The following SFTPA2 variants were observed in gnomAD, a reference collection of about 807,000 sequenced individuals.
SFTPA2 encodes surfactant protein A2.
A neutral mutation model predicts 20.3 loss-of-function variants in SFTPA2; 21 were observed. The observed-to-expected ratio is 1.03, with a 90% CI of 0.73 to 1.49. SFTPA2 has a LOEUF of 1.49. SFTPA2 is among the 40% of genes most tolerant of loss of function. The pLI is 0.00. For synonymous variants in SFTPA2, 116 were observed against 118.7 expected (o/e 0.98, Z 0.15); for missense variants, 302 against 314.8 (o/e 0.96, Z 0.31).
chr10:79,558,769 T>G, intron 4 of SFTPA2, 117 bp downstream of exon 4: 22 of 1,559,920 alleles, frequency 1.4e-5, no homozygotes, highest in Non-Finnish European at 1.8e-5. Context: ...TTACTTAGGT[T>G]GAGCCAAATG....
At chr10:79,559,639 G>A (rs529202206) in intron 2 of SFTPA2, 133 bp from the exon 3 acceptor site, 29 of 1,567,102 alleles carry the variant, frequency 1.9e-5, no homozygotes, top group East Asian at 1.4e-4. Context: ...GGGAAGACCC[G>A]AAGCACCCGG....
At position 79,556,895 on chromosome 10, in the gene SFTPA2, T is replaced by C; in HGVS notation, c.*314A>G. On this transcript the variant is annotated 3_prime_UTR_variant, in exon 6 of 6. Transcript: ENST00000372325. The stretch of plus-strand genomic sequence containing the variant: ...CTACCCCAAGGCCTCACTGCTGCCA[T>C]CTGTAAGTGAAGGAACTGGACCAGA... The C allele has an allele frequency of 4.1e-6, 2 of 488,686 alleles. No individual in the cohort carries two copies. Among genetic ancestry groups the C allele is most frequent in the South Asian group, 4.6e-5 (2 of 43,548 alleles). 30.3% of individuals were successfully genotyped at this position (488,686 alleles called of 1,614,324 possible). A position where few individuals can be genotyped will look rare whatever the true frequency, so the allele number is the denominator to read the frequency against.
At chr10:79,560,034 T>C in intron 1 of SFTPA2, 36 bp from the exon 2 acceptor site, 1 of 1,117,664 alleles carries the variant, frequency 8.9e-7, no homozygotes, top group Non-Finnish European at 1.1e-6. Flanking sequence ...GCCCACAGCC[T>C]GGACCCTTCA....
chr10:79,558,809 C>A, intron 4 of SFTPA2, 77 bp downstream of exon 4: 6 of 1,611,120 alleles, frequency 3.7e-6, no homozygotes, highest in Non-Finnish European at 4.2e-6. Context: ...GTTTGTCTGA[C>A]CCCCATCACC....
rs1215156299 is a variant in SFTPA2 at position 79,558,037 on chromosome 10, A to G, written c.370+15T>C. On this transcript the variant is annotated intron_variant, in intron 5 of 5. Transcript: ENST00000372325. ...GGGAAACTCCTACCCCGTGAGGCCC[A>G]GGGGGTCCCCTTACCTCCCCTTGTC... 1.9e-6 allele frequency: 3 copies of G among 1,613,896 alleles called. No homozygotes were observed. In the African/African-American group the frequency reaches 4.0e-5, roughly 22 times the overall value.
At position 79,556,815 on chromosome 10, in the gene SFTPA2, G is replaced by C. The variant is rs1285859895; in HGVS notation, c.*394C>G. ...CACTGGGCAGGCAGTGGGCTGCAGA[G>C]GCAGAGCTGAGGGGACCAGGAGGCA... On this transcript the variant is annotated 3_prime_UTR_variant, in exon 6 of 6. Transcript: ENST00000372325. 1 of 364,996 alleles carries C rather than the reference G, an allele frequency of 2.7e-6. No homozygotes were observed. Among genetic ancestry groups the C allele is most frequent in the East Asian group, 6.8e-5 (1 of 14,760 alleles). 22.6% of individuals were successfully genotyped at this position (364,996 alleles called of 1,614,324 possible).
chr10:79,557,639 C>T (rs1858869964), intron 5 of SFTPA2, 54 bp from the exon 6 acceptor site: 3 of 1,606,462 alleles, frequency 1.9e-6, no homozygotes, highest in Non-Finnish European at 1.7e-6. Flanking sequence ...TCTAAGCCAC[C>T]TCCCTCACCT....
rs1160003234 is a variant in SFTPA2 at position 79,558,103 on chromosome 10, G to A, written c.319C>T (p.Leu107Phe). ...CTGAAGTCGTGGAGTGTGGCTTGGA[G>A]CTCCTCATCTAGATGAGCTGGAAGC... is the stretch of plus-strand genomic sequence containing the variant. ...PGLPAHLDEE[L>F]QATLHDFRHQ... Residue 107 changes from leucine to phenylalanine, a missense_variant, in exon 5 of 6, where the codon CTC (leucine) becomes TTC (phenylalanine). By Grantham distance (22) the Leu-to-Phe change is conservative. Transcript: ENST00000372325. 6.2e-7 allele frequency: 1 copy of A among 1,613,940 alleles called. No individual in the cohort carries two copies.
rs143311211 is a variant in SFTPA2 at position 79,556,776 on chromosome 10, G to T, written c.*433C>A. On this transcript the variant is annotated 3_prime_UTR_variant, in exon 6 of 6. Coordinates refer to ENST00000372325, the MANE Select transcript of SFTPA2 (RefSeq NM_001098668.4). The stretch of plus-strand genomic sequence containing the variant: ...TCTGTCATTATGCTTGGCCGGTACT[G>T]CTCATCCTGATGGCACTGGGCAGGC... The T allele has an allele frequency of 6.4e-6, 2 of 310,284 alleles. No individual in the cohort carries two copies. Among genetic ancestry groups the T allele is most frequent in the Non-Finnish European group, 1.2e-5 (2 of 167,338 alleles). The allele number at this position is 310,284 out of a possible 1,614,324, so 19.2% of individuals were successfully genotyped here. A position where few individuals can be genotyped will look rare whatever the true frequency, so the allele number is the denominator to read the frequency against.
chr10:79,559,983 C>G lies in SFTPA2; in HGVS notation c.-38G>C, dbSNP rs996184635. 1.4e-5 allele frequency: 17 copies of G among 1,210,670 alleles called. No homozygotes were observed. In the East Asian group the frequency reaches 6.4e-4, roughly 46 times the overall value. 75.0% of individuals were successfully genotyped at this position (1,210,670 alleles called of 1,614,324 possible). A position where few individuals can be genotyped will look rare whatever the true frequency, so the allele number is the denominator to read the frequency against. ...TGCCCAGTTACCTTCTTTTCAGGCT[C>G]CAAGAAATCAGCGACCTGAGAATGA... On this transcript the variant is annotated 5_prime_UTR_variant, in exon 2 of 6. Coordinates refer to ENST00000372325, the MANE Select transcript of SFTPA2 (RefSeq NM_001098668.4).
In SFTPA2 at chr10:79,557,357, T is replaced by C. The variant is rs766240828; in HGVS notation, c.599A>G (p.Tyr200Cys). ...TEGPSPGDFR[Y>C]SDGTPVNYTN... ...GTAGTTTACAGGGGTCCCATCTGAGTAGCGGAAGTCTCCAGGGCTGGGACC... is the reference window on the plus strand; with the variant it reads ...GTAGTTTACAGGGGTCCCATCTGAGCAGCGGAAGTCTCCAGGGCTGGGACC... The change falls in exon 6 of 6, where the codon TAC (tyrosine) becomes TGC (cysteine). Residue 200 changes from tyrosine (Y) to cysteine (C), a missense_variant. Transcript: ENST00000372325. The C allele has an allele frequency of 1.7e-5, 28 of 1,613,970 alleles. No individual in the cohort carries two copies. The highest frequency in any genetic ancestry group is 2.4e-5 in the Non-Finnish European group (28 of 1,180,002).
At position 79,557,081 on chromosome 10, in the gene SFTPA2, T is replaced by A. The variant is rs535653651; in HGVS notation, c.*128A>T. ...GGGGAATGAAGTGGCTAAGGGTGCC[T>A]CCAGCTCTAATAGCCACAAGTGAAT... On this transcript the variant is annotated 3_prime_UTR_variant, in exon 6 of 6. Coordinates refer to ENST00000372325, the MANE Select transcript of SFTPA2 (RefSeq NM_001098668.4). 2.9e-5 allele frequency: 45 copies of A among 1,528,442 alleles called. No homozygotes were observed. The Admixed American group carries it at 8.0e-4, about 27-fold the overall frequency. 94.7% of individuals were successfully genotyped at this position (1,528,442 alleles called of 1,614,324 possible).
chr10:79,558,160 G>C (rs1158636525), intron 4 of SFTPA2, 31 bp from the exon 5 acceptor site: 1 of 1,613,888 alleles, frequency 6.2e-7, no homozygotes, highest in South Asian at 1.1e-5. Context: ...AGAAGGAGGG[G>C]CAGGCCAGTG....
rs1059151 is a variant in SFTPA2, at chr10:79,556,149, G to A, written c.*1060C>T. ...GGTGTGTGGCACATGGTATGTGCTC[G>A]GTCAATAGCCTTTGTGTGTAGTAAC... is the stretch of plus-strand genomic sequence containing the variant. On this transcript the variant is annotated 3_prime_UTR_variant, in exon 6 of 6. Transcript: ENST00000372325. 1.2e-5 allele frequency: 2 copies of A among 167,140 alleles called. No homozygotes were observed. The highest frequency in any genetic ancestry group is 4.8e-5 in the African/African-American group (2 of 41,428). 10.4% of individuals were successfully genotyped at this position (167,140 alleles called of 1,614,324 possible).
In SFTPA2 at chr10:79,557,151, T is replaced by G; in HGVS notation, c.*58A>C. The stretch of plus-strand genomic sequence containing the variant: ...AGCATCTCACAGACCAAGTGGATCC[T>G]GGGGATGGAAACTGAAGGCCAGACA... On this transcript the variant is annotated 3_prime_UTR_variant, in exon 6 of 6. Transcript: ENST00000372325. The G allele has an allele frequency of 6.2e-7, 1 of 1,613,878 alleles. No homozygotes were observed. The highest frequency in any genetic ancestry group is 8.5e-7 in the Non-Finnish European group (1 of 1,179,864).
At chr10:79,560,048 T>G (rs1294591998) in intron 1 of SFTPA2, 50 bp from the exon 2 acceptor site, 1 of 1,074,552 alleles carries the variant, frequency 9.3e-7, no homozygotes, top group Non-Finnish European at 1.1e-6. Flanking sequence ...CCCTTCAAGG[T>G]GATCATCGGG....
rs185589401 is a variant in SFTPA2, at chr10:79,556,625, C to A, written c.*584G>T. 6.9e-3 allele frequency: 1,132 copies of A among 163,054 alleles called. 16 individuals carry two copies. Among genetic ancestry groups the A allele is most frequent in the Middle Eastern group, 0.051 (16 of 314 alleles). 10.1% of individuals were successfully genotyped at this position (163,054 alleles called of 1,614,324 possible). A position where few individuals can be genotyped will look rare whatever the true frequency, so the allele number is the denominator to read the frequency against. On this transcript the variant is annotated 3_prime_UTR_variant, in exon 6 of 6. Coordinates refer to ENST00000372325, the MANE Select transcript of SFTPA2 (RefSeq NM_001098668.4). ...TGGCTTGGGCACCACCGTGCTGGGG[C>A]ACCACTGGGCCCTCTGACCACCTGG...
At position 79,559,464 on chromosome 10, in the gene SFTPA2, G is replaced by A. The variant is rs934630397; in HGVS notation, c.20C>T (p.Ala7Val). 1.4e-5 allele frequency: 23 copies of A among 1,613,014 alleles called. No homozygotes were observed. Among genetic ancestry groups the A allele is most frequent in the Non-Finnish European group, 1.7e-5 (20 of 1,179,530 alleles). MWLCPL[A>V]LTLILMAASG... ...GGCTGCCATCAAGATGAGGGTGAGG[G>A]CCAGAGGGCACAGCCACATGGCTCT... Residue 7 changes from alanine to valine, a missense_variant, in exon 3 of 6, where the codon GCC (alanine) becomes GTC (valine). Physicochemically the swap from Ala to Val is moderately conservative, Grantham distance 64. This residue lies in a region of SFTPA2 where 31 missense variants were observed against 29.8 expected (regional missense o/e 1.04). Coordinates refer to ENST00000372325, the MANE Select transcript of SFTPA2 (RefSeq NM_001098668.4).
At chr10:79,558,834 T>C (rs1021762323) in intron 4 of SFTPA2, 52 bp downstream of exon 4, 13 of 1,609,146 alleles carry the variant, frequency 8.1e-6, no homozygotes, top group Non-Finnish European at 1.1e-5. Flanking sequence ...TGTAACTGAC[T>C]TCAGGTCGCT....
Sources: allele counts gnomAD v4.1 joint callset, GRCh38; gene constraint gnomAD v4.1.1; regional missense constraint gnomAD v4.1.1; transcripts MANE v1.5; gene names NCBI Gene and HGNC (gene_info 2026-07-23, HGNC 2026-07-21).